Variants in RADIL observed in about 807,000 individuals in gnomAD.
RADIL encodes the protein ras-associating and dilute domain-containing protein.
A neutral mutation model predicts 97.6 loss-of-function variants in RADIL; 99 were observed. The ratio of observed to expected loss-of-function variants is 1.01; its 90% confidence interval spans 0.86 to 1.20. The LOEUF is 1.20. RADIL is among the 50% of genes most tolerant of loss of function. The pLI is 0.00. For synonymous variants in RADIL, 803 were observed against 691.8 expected, an observed-to-expected ratio of 1.16 and a Z score of -2.52; for missense variants, 1,765 against 1,498.9, an observed-to-expected ratio of 1.18 and a Z score of -2.93.
Position 4,798,733 on chromosome 7 carries a change from G to A in RADIL, c.*645C>T. The A allele has an allele frequency of 6.5e-6, 1 of 153,066 alleles. No homozygotes were observed. The highest frequency in any genetic ancestry group is 1.5e-5 in the Non-Finnish European group (1 of 68,600). The allele number at this position is 153,066 out of a possible 1,614,324, so 9.5% of individuals were successfully genotyped here. A position where few individuals can be genotyped will look rare whatever the true frequency, so the allele number is the denominator to read the frequency against. On this transcript the variant is annotated 3_prime_UTR_variant, in exon 15 of 15. Transcript: ENST00000399583. The stretch of plus-strand genomic sequence containing the variant: ...GGGGAGAGGAACTCAGGAGGGAGCA[G>A]GAGTCCTGGGAGAGGAAGCAGGGCC...
Position 4,873,800 on chromosome 7 carries a change from G to A in RADIL, c.535+3805C>T, listed in dbSNP as rs750874522. On this transcript the variant is annotated intron_variant, in intron 2 of 14. Transcript: ENST00000399583. This position sits in a 1 kb window ranked among gnomAD's most constrained non-coding sequence, Gnocchi z 4.3. ...GGAAGGCGCAGAGCTCACCATCACC[G>A]GAGGTATGTAATGGAGAGGACACGG... Among the ~76,000 whole-genome samples the A allele has an allele frequency of 6.6e-6, 1 of 152,334 alleles. No homozygotes were observed. Among genetic ancestry groups the A allele is most frequent in the South Asian group, 2.1e-4 (1 of 4,830 alleles).
chr7:4,834,729 G>A lies in RADIL; in HGVS notation c.1294C>T (p.His432Tyr), dbSNP rs747852613. ...AGGAGGAAGGCGGGGGTCAGCTTGT[G>A]GTCGTCGCCCCCCGGCTCGATCAAC... ...MTLIEPGGDD[H>Y]KLTPAFLLCL... Residue 432 changes from histidine (H) to tyrosine (Y), a missense_variant, in exon 4 of 15, where the codon CAC becomes TAC. His to Tyr is a moderately conservative substitution (Grantham distance 83). Coordinates refer to ENST00000399583, the MANE Select transcript of RADIL (RefSeq NM_018059.5). The surrounding 1 kb of genome is among the most constrained non-coding windows in gnomAD (Gnocchi z 6.0). 1.4e-6 allele frequency: 2 copies of A among 1,410,160 alleles called. No individual in the cohort carries two copies. 87.4% of individuals were successfully genotyped at this position (1,410,160 alleles called of 1,614,324 possible).
intron 2 of RADIL, among the ~76,000 whole-genome samples, chr7:4,838,738 T>C (rs1783366531): frequency 6.6e-6 from 1 of 152,156 alleles, no homozygotes; most frequent in African/African-American, 2.4e-5. Context: ...CTCTGGGCGG[T>C]GGGGCTGTCC....
At position 4,798,420 on chromosome 7, in the gene RADIL, T is replaced by G. The variant is rs1473392120; in HGVS notation, c.*958A>C. The G allele has an allele frequency of 6.6e-6, 1 of 152,230 alleles. No individual in the cohort carries two copies. Among genetic ancestry groups the G allele is most frequent in the Non-Finnish European group, 1.5e-5 (1 of 68,054 alleles). The allele number at this position is 152,230 out of a possible 1,614,324, so 9.4% of individuals were successfully genotyped here. ...TGCCGGGACCCTCTTCCCCAGGGTT[T>G]CTCTGTTGCTATCAAAGATGACCCT... On this transcript the variant is annotated 3_prime_UTR_variant, in exon 15 of 15. Coordinates refer to ENST00000399583, the MANE Select transcript of RADIL (RefSeq NM_018059.5).
At chr7:4,860,058 T>C in intron 2 of RADIL, 1 of 1,614,042 alleles carries the variant, frequency 6.2e-7, no homozygotes, top group South Asian at 1.1e-5. Context: ...ACCCCTGAAC[T>C]TTCATTGGTA....
intron 6 of RADIL, among the ~76,000 whole-genome samples, chr7:4,820,988 T>C (rs1782816304): frequency 6.6e-6 from 1 of 152,196 alleles, no homozygotes; most frequent in South Asian, 2.1e-4. Flanking sequence ...CGCCTGGCCT[T>C]GTGTCCTCCG....
Position 4,800,242 on chromosome 7 carries a change from A to C in RADIL, c.2911T>G (p.Phe971Val). ...PSSRSSSTED[F>V]CYVFTVELER... ...AGCTCCACCGTGAAGACGTAGCAGA[A>C]GTCCTCGGTGCTGGAGCTGCGGCTG... Residue 971 changes from phenylalanine to valine, a missense_variant, in exon 13 of 15, where the codon TTC becomes GTC. Coordinates refer to ENST00000399583, the MANE Select transcript of RADIL (RefSeq NM_018059.5). 6.3e-7 allele frequency: 1 copy of C among 1,593,104 alleles called. No homozygotes were observed. Among genetic ancestry groups the C allele is most frequent in the Non-Finnish European group, 8.5e-7 (1 of 1,171,636 alleles).
intron 2 of RADIL, chr7:4,857,917 C>T (rs183881237): frequency 1.3e-5 from 2 of 152,454 alleles, no homozygotes; most frequent in East Asian, 3.9e-4. Flanking sequence ...ATAAAAAGTC[C>T]CAAGGTTCCA....
Position 4,800,249 on chromosome 7 carries a change from G to C in RADIL, c.2904C>G (p.Thr968=), listed in dbSNP as rs377564806. 329 of 1,579,990 alleles carry C rather than the reference G, an allele frequency of 2.1e-4. 1 individual carries two copies. Among genetic ancestry groups the C allele is most frequent in the Non-Finnish European group, 2.7e-4 (314 of 1,165,658 alleles). The change falls in exon 13 of 15, where the codon ACC becomes ACG. Residue 968 remains threonine (T), a synonymous_variant. Transcript: ENST00000399583. The part of the protein sequence containing the change: ...PPAPSSRSSS[T]EDFCYVFTVE... ...CCGTGAAGACGTAGCAGAAGTCCTCGGTGCTGGAGCTGCGGCTGGACGGGG... is the reference window on the plus strand; with the variant it reads ...CCGTGAAGACGTAGCAGAAGTCCTCCGTGCTGGAGCTGCGGCTGGACGGGG...
rs529140656 is a variant in RADIL, at chr7:4,841,834, C to T, written c.536-5229G>A. The stretch of plus-strand genomic sequence containing the variant: ...CTGTAATCCCAGCACTTTGGGAGGC[C>T]GAGGCGGGAGGATGGCTTGGGTTCA... On this transcript the variant is annotated intron_variant, in intron 2 of 14. Transcript: ENST00000399583. Among the ~76,000 whole-genome samples, 13 of 152,236 alleles carry T rather than the reference C, an allele frequency of 8.5e-5. No individual in the cohort carries two copies. In the East Asian group the frequency reaches 1.4e-3, roughly 16 times the overall value.
chr7:4,882,053 T>C (rs981530480), intron 1 of RADIL: 1 of 151,948 alleles, frequency 6.6e-6, no homozygotes, highest in Non-Finnish European at 1.5e-5. Flanking sequence ...GAGAATATGA[T>C]TGACTCCTTT....
At position 4,834,474 on chromosome 7, in the gene RADIL, C is replaced by T. The variant is rs969882251; in HGVS notation, c.1416+133G>A. 3.7e-5 allele frequency: 40 copies of T among 1,075,768 alleles called. No homozygotes were observed. Among genetic ancestry groups the T allele is most frequent in the Non-Finnish European group, 4.7e-5 (40 of 846,336 alleles). The allele number at this position is 1,075,768 out of a possible 1,614,324, so 66.6% of individuals were successfully genotyped here. ...GGGGCAGCGACAGGCAGGGAAAGGC[C>T]GCCCTGCGCTCAGCAGCACAGCACC... On this transcript the variant is annotated intron_variant, in intron 4 of 14. Transcript: ENST00000399583. This position sits in a 1 kb window ranked among gnomAD's most constrained non-coding sequence, Gnocchi z 6.0.
Position 4,835,133 on chromosome 7 carries a change from T to G in RADIL, c.890A>C (p.His297Pro), listed in dbSNP as rs749614772. Residue 297 changes from histidine to proline, a missense_variant, in exon 4 of 15, where the codon CAC (histidine) becomes CCC (proline). Coordinates refer to ENST00000399583, the MANE Select transcript of RADIL (RefSeq NM_018059.5). This position sits in a 1 kb window ranked among gnomAD's most constrained non-coding sequence, Gnocchi z 5.8. ...SLSAPDILPL[H>P]CTIRRQPLPD... The stretch of plus-strand genomic sequence containing the variant: ...GAGCGGTTGCCGGCGGATGGTGCAG[T>G]GTAGAGGCAGGATGTCGGGGGCTGA... 2 of 1,609,954 alleles carry G rather than the reference T, an allele frequency of 1.2e-6. No individual in the cohort carries two copies. Among genetic ancestry groups the G allele is most frequent in the Admixed American group, 1.7e-5 (1 of 59,562 alleles).
intron 5 of RADIL, among the ~76,000 whole-genome samples, chr7:4,827,105 C>G (rs1212636146): frequency 6.6e-6 from 1 of 152,202 alleles, no homozygotes; most frequent in Admixed American, 6.6e-5. Flanking sequence ...TGGCTCATGC[C>G]TGTCATCCCA....
chr7:4,849,032 A>G lies in RADIL; in HGVS notation c.536-12427T>C, dbSNP rs894348888. 2.6e-5 allele frequency among the ~76,000 whole-genome samples: 4 copies of G among 151,814 alleles called. No homozygotes were observed. Among genetic ancestry groups the G allele is most frequent in the Non-Finnish European group, 5.9e-5 (4 of 67,950 alleles). Reference sequence around the variant, plus strand: ...ATATGCCTGTAATCCCAGCTACTCGAGAGACTGAAGCAGGAGAATCGTTTG... The same window carrying G: ...ATATGCCTGTAATCCCAGCTACTCGGGAGACTGAAGCAGGAGAATCGTTTG... On this transcript the variant is annotated intron_variant, in intron 2 of 14. Coordinates refer to ENST00000399583, the MANE Select transcript of RADIL (RefSeq NM_018059.5). This position sits in a 1 kb window ranked among gnomAD's most constrained non-coding sequence, Gnocchi z 5.4.
rs374955459 is a variant in RADIL, at chr7:4,801,810, C to T, written c.2685G>A (p.Pro895=). 134 of 1,601,008 alleles carry T rather than the reference C, an allele frequency of 8.4e-5. 2 individuals are homozygous for T. The highest frequency in any genetic ancestry group is 8.2e-4 in the South Asian group (74 of 90,196). Residue 895 remains proline (P), a synonymous_variant, in exon 12 of 15, where the codon CCG becomes CCA. Transcript: ENST00000399583. ...PSRGGSQAGP[P]HTDSSCLLTP... ...TGAGCAAGCAGGACGAGTCCGTGTG[C>T]GGGGGGCCAGCCTGGGAGCCCCCAC...
At chr7:4,875,771 C>A (rs1312849587) in intron 2 of RADIL, among the ~76,000 whole-genome samples, 1 of 152,182 alleles carries the variant, frequency 6.6e-6, no homozygotes, top group Non-Finnish European at 1.5e-5. Flanking sequence ...GTTTCCTGGC[C>A]TCACAGGAGG....
At chr7:4,859,706 A>G in intron 2 of RADIL, 1 of 586,826 alleles carries the variant, frequency 1.7e-6, no homozygotes, top group Non-Finnish European at 3.0e-6. Flanking sequence ...GATAACAGGA[A>G]TTGGATTTGC....
intron 2 of RADIL, chr7:4,861,852 C>G (rs1469044526): frequency 1.3e-5 from 17 of 1,322,032 alleles, no homozygotes; most frequent in Middle Eastern, 2.8e-4. Context: ...CCCACCACCG[C>G]GACCTTCGCG....
Sources: allele counts gnomAD v4.1 joint callset (sites outside exome capture counted in the v4.1 genomes callset), GRCh38; gene constraint gnomAD v4.1.1; non-coding constraint Gnocchi (gnomAD v3.1); transcripts MANE v1.5; gene names NCBI Gene and HGNC (gene_info 2026-07-23, HGNC 2026-07-21).